DESI2: variants seen among roughly 807,000 people sequenced by gnomAD.
The protein encoded by DESI2 is desumoylating isopeptidase 2, also known as deubiquitinase DESI2.
In DESI2, 10 loss-of-function variants were observed where a neutral mutation model predicts 24.1. The ratio of observed to expected loss-of-function variants is 0.41; its 90% CI spans 0.26 to 0.70. The LOEUF (loss-of-function observed/expected upper bound fraction) is 0.70. Ranked by LOEUF, DESI2 falls within the 30% of genes least tolerant of loss-of-function variation. The probability of loss-of-function intolerance (pLI) is 0.29; values close to 1 mark genes in which losing one functional copy is unlikely to be tolerated. For synonymous variants in DESI2, 71 were observed against 87.7 expected, an observed-to-expected ratio of 0.81 and a Z score of 1.06; for missense variants, 122 against 234.9, an observed-to-expected ratio of 0.52 and a Z score of 3.14.
At chr1:244,653,944 A>G (rs1241192503) in intron 1 of DESI2, 1 of 471,234 alleles carries the variant, frequency 2.1e-6, no homozygotes, top group Admixed American at 2.3e-5. Context: ...TGAGGCTAAC[A>G]TTTCTCAAGA....
chr1:244,683,346 C>T (rs1175826750), intron 1 of DESI2, among the ~76,000 whole-genome samples: 1 of 151,640 alleles, frequency 6.6e-6, no homozygotes, highest in East Asian at 1.9e-4. Flanking sequence ...GAGTCTCGCT[C>T]TGTCGCCCAG....
In DESI2 at chr1:244,686,584, CT is replaced by C. The variant is rs781242397; in HGVS notation, c.43-6del. ...AACAGGTATTCTGAATCTTTTCTTT[CT>C]TTTTTTCTCAGTATTGGATGAACGA... On this transcript the variant is annotated splice_polypyrimidine_tract_variant and intron_variant, in intron 1 of 4. Transcript: ENST00000302550. The C allele has an allele frequency of 3.4e-5, 54 of 1,573,380 alleles. No individual in the cohort carries two copies. The highest frequency in any genetic ancestry group is 2.2e-5 in the East Asian group (1 of 44,654).
At chr1:244,703,386 CACTT>C (rs1677556002) in intron 4 of DESI2, among the ~76,000 whole-genome samples, 1 of 150,976 alleles carries the variant, frequency 6.6e-6, no homozygotes, top group East Asian at 2.0e-4. Flanking sequence ...GATGGAATCT[CACTT>C]TGTCATCCAG....
intron 1 of DESI2, among the ~76,000 whole-genome samples, chr1:244,660,418 G>A (rs12126457): frequency 2.6e-5 from 4 of 151,918 alleles, no homozygotes; most frequent in African/African-American, 7.3e-5. Context: ...CACCTGCCTC[G>A]GCCGCCCAAA....
Position 244,689,847 on chromosome 1 carries a change from T to G in DESI2, c.209+505T>G, listed in dbSNP as rs1469113318. Among the ~76,000 whole-genome samples the G allele has an allele frequency of 6.6e-6, 1 of 152,138 alleles. No individual in the cohort carries two copies. The highest frequency in any genetic ancestry group is 1.5e-5 in the Non-Finnish European group (1 of 68,026). ...TTCTAATGATTTCTTCCCCTCAATC[T>G]CCTGTTTGAAAGGAGAAAAAGTTTT... On this transcript the variant is annotated intron_variant, in intron 3 of 4. Transcript: ENST00000302550. The surrounding 1 kb of genome is among the most constrained non-coding windows in gnomAD (Gnocchi z 4.0).
intron 1 of DESI2, among the ~76,000 whole-genome samples, chr1:244,657,726 CCT>C (rs1169796969): frequency 1.3e-5 from 2 of 152,300 alleles, no homozygotes; most frequent in Admixed American, 6.5e-5. Flanking sequence ...CTTGGTTCGT[CCT>C]CTCATAATTG....
Position 244,689,117 on chromosome 1 carries a change from TTG to T in DESI2, c.116-129_116-128del, listed in dbSNP as rs1573216379. ...TACGAGTAATAGCTAAGTGAGATAT[TTG>T]TGAAAGCATTTTATAAACTGAAAAA... On this transcript the variant is annotated intron_variant, in intron 2 of 4. Coordinates refer to ENST00000302550, the MANE Select transcript of DESI2 (RefSeq NM_016076.5). The surrounding 1 kb of genome is among the most constrained non-coding windows in gnomAD (Gnocchi z 4.0). 6.2e-6 allele frequency: 4 copies of T among 641,408 alleles called. No individual in the cohort carries two copies. In the East Asian group the frequency reaches 1.0e-4, roughly 17 times the overall value. The allele number at this position is 641,408 out of a possible 1,614,324, so 39.7% of individuals were successfully genotyped here. A position where few individuals can be genotyped will look rare whatever the true frequency, so the allele number is the denominator to read the frequency against.
At chr1:244,668,916 A>G (rs1042136773) in intron 1 of DESI2, among the ~76,000 whole-genome samples, 2 of 152,158 alleles carry the variant, frequency 1.3e-5, no homozygotes, top group African/African-American at 4.8e-5. Flanking sequence ...GCCTTCCCCC[A>G]TATTTTAAGA....
rs1677801476 is a variant in DESI2, at chr1:244,708,627, T to G, written c.*2838T>G. On this transcript the variant is annotated 3_prime_UTR_variant, in exon 5 of 5. Coordinates refer to ENST00000302550, the MANE Select transcript of DESI2 (RefSeq NM_016076.5). ...CATTCACTGCTTCAGGGTTCTAATC[T>G]GTGTGTCTCCTTATGACTCCATTTC... 6.5e-6 allele frequency: 1 copy of G among 152,672 alleles called. No individual in the cohort carries two copies. Among genetic ancestry groups the G allele is most frequent in the Non-Finnish European group, 1.5e-5 (1 of 68,046 alleles). 9.5% of individuals were successfully genotyped at this position (152,672 alleles called of 1,614,324 possible).
chr1:244,692,234 G>A (rs986226873), intron 4 of DESI2, among the ~76,000 whole-genome samples: 2 of 152,042 alleles, frequency 1.3e-5, no homozygotes, highest in Non-Finnish European at 2.9e-5. Context: ...TCATTACTTT[G>A]CAGTGGGTAG....
rs1256942868 is a variant in DESI2 at position 244,708,886 on chromosome 1, T to C, written c.*3097T>C. The C allele has an allele frequency of 6.6e-6, 1 of 152,640 alleles. No homozygotes were observed. The highest frequency in any genetic ancestry group is 1.5e-5 in the Non-Finnish European group (1 of 68,038). The allele number at this position is 152,640 out of a possible 1,614,324, so 9.5% of individuals were successfully genotyped here. A position where few individuals can be genotyped will look rare whatever the true frequency, so the allele number is the denominator to read the frequency against. On this transcript the variant is annotated 3_prime_UTR_variant, in exon 5 of 5. Transcript: ENST00000302550. ...CTTCATGGACCTGAAGATAATTTCT[T>C]GTGAAGTTGAATGCAAGTGTACTGT...
intron 4 of DESI2, among the ~76,000 whole-genome samples, chr1:244,692,680 G>C (rs1255825158): frequency 6.6e-6 from 1 of 152,196 alleles, no homozygotes; most frequent in Non-Finnish European, 1.5e-5. Flanking sequence ...ACGAGCTGCT[G>C]CTTCAGTGGC....
At chr1:244,679,124 G>A (rs747755049) in intron 1 of DESI2, among the ~76,000 whole-genome samples, 23 of 151,820 alleles carry the variant, frequency 1.5e-4, no homozygotes, top group Non-Finnish European at 2.4e-4. Flanking sequence ...CTGAAGCCTC[G>A]ACCTCCTGGG....
At chr1:244,677,345 A>G (rs1443985476) in intron 1 of DESI2, among the ~76,000 whole-genome samples, 2 of 152,150 alleles carry the variant, frequency 1.3e-5, no homozygotes, top group Non-Finnish European at 2.9e-5. Flanking sequence ...AGTTGTTCTT[A>G]GTCTTCCTTG....
Position 244,706,876 on chromosome 1 carries a change from T to TA in DESI2, c.*1093dup, listed in dbSNP as rs1323367786. On this transcript the variant is annotated 3_prime_UTR_variant, in exon 5 of 5. Transcript: ENST00000302550. ...ATGCCTAGTCTCATTGACCAATCGTTAAAAAATCATATTTGTGTGTCTTAA... is the reference window on the plus strand; with the variant it reads ...ATGCCTAGTCTCATTGACCAATCGTTAAAAAAATCATATTTGTGTGTCTTAA... 2.6e-5 allele frequency: 4 copies of TA among 152,662 alleles called. No homozygotes were observed. The highest frequency in any genetic ancestry group is 4.4e-5 in the Non-Finnish European group (3 of 68,044). 9.5% of individuals were successfully genotyped at this position (152,662 alleles called of 1,614,324 possible).
chr1:244,700,442 G>T (rs1191400964), intron 4 of DESI2, among the ~76,000 whole-genome samples: 1 of 151,980 alleles, frequency 6.6e-6, no homozygotes, highest in Admixed American at 6.6e-5. Flanking sequence ...TAAGTCTTTT[G>T]ATTTGTCCCT....
chr1:244,658,264 G>A (rs1455287153), intron 1 of DESI2, among the ~76,000 whole-genome samples: 1 of 152,144 alleles, frequency 6.6e-6, no homozygotes, highest in Non-Finnish European at 1.5e-5. Context: ...GACAGTTAAA[G>A]GTCCATTTCC....
At chr1:244,682,632 TA>T (rs1408806296) in intron 1 of DESI2, among the ~76,000 whole-genome samples, 2 of 152,188 alleles carry the variant, frequency 1.3e-5, no homozygotes, top group Non-Finnish European at 2.9e-5. Context: ...TTTCTGTAAA[TA>T]ACCAGATAGT....
intron 1 of DESI2, 49 bp from the exon 2 acceptor site, chr1:244,686,548 G>T: frequency 8.3e-7 from 1 of 1,209,124 alleles, no homozygotes; most frequent in South Asian, 1.2e-5. Context: ...CGCGGAGTTG[G>T]GTTGTAAATG....
Sources: gnomAD v4.1 joint callset for allele counts (sites outside exome capture counted in the v4.1 genomes callset) on GRCh38, gnomAD v4.1.1 for gene constraint, Gnocchi (gnomAD v3.1) non-coding constraint, MANE v1.5 for transcripts, NCBI Gene and HGNC (gene_info 2026-07-23, HGNC 2026-07-21) for gene names.